Variants in PUS1 observed in about 807,000 individuals in gnomAD.
The protein encoded by PUS1 is pseudouridine synthase 1.
PUS1 carries 25 observed loss-of-function variants against 38.5 expected under a neutral mutation model. The observed-to-expected ratio is 0.65, with a 90% CI of 0.47 to 0.91. The LOEUF (loss-of-function observed/expected upper bound fraction) is 0.91. Among genes scored for constraint, PUS1 ranks in the 40% least tolerant of loss-of-function variants. The pLI, the probability that PUS1 is intolerant of heterozygous loss-of-function variation, is 0.00. For synonymous variants in PUS1, 282 were observed against 260.4 expected (o/e 1.08, Z -0.80); for missense variants, 597 against 612.3 (o/e 0.97, Z 0.26).
At chr12:131,935,509 T>C (rs1566143692) in intron 3 of PUS1, among the ~76,000 whole-genome samples, 1 of 152,184 alleles carries the variant, frequency 6.6e-6, no homozygotes. Flanking sequence ...GAAAACACAG[T>C]AACAGTTTAA....
intron 2 of PUS1, 174 bp from the exon 3 acceptor site, chr12:131,932,001 G>T: frequency 1.4e-6 from 1 of 705,214 alleles, no homozygotes. Context: ...CCCGGCCCCA[G>T]GGTGAGTGAG....
Position 131,936,210 on chromosome 12 carries a change from C to CA in PUS1, c.442-2951dup, listed in dbSNP as rs764654394. ...CGGGTGACAGAGTGAGACTCCATCTCAAAAAAAAAAAAGCAAAAAAGGAAA... is the reference window on the plus strand; with the variant it reads ...CGGGTGACAGAGTGAGACTCCATCTCAAAAAAAAAAAAAGCAAAAAAGGAAA... On this transcript the variant is annotated intron_variant, in intron 3 of 5. Transcript: ENST00000376649. 9.6e-3 allele frequency among the ~76,000 whole-genome samples: 1,179 copies of CA among 122,566 alleles called. 27 individuals carry two copies. In the South Asian group the frequency reaches 0.1, roughly 10 times the overall value. 80.4% of individuals were successfully genotyped at this position (122,566 alleles called of 152,430 possible). A position where few individuals can be genotyped will look rare whatever the true frequency, so the allele number is the denominator to read the frequency against.
rs1238794872 is a variant in PUS1, at chr12:131,941,183, C to T, written c.545-109C>T. 17 of 936,604 alleles carry T rather than the reference C, an allele frequency of 1.8e-5. No homozygotes were observed. The Admixed American group carries it at 2.0e-4, about 11-fold the overall frequency. 58.0% of individuals were successfully genotyped at this position (936,604 alleles called of 1,614,324 possible). A position where few individuals can be genotyped will look rare whatever the true frequency, so the allele number is the denominator to read the frequency against. ...AAGCCGATGCTTGCTGGAGCTTGGTCGGTGCTCTGGGTAAGGAGACGCTGG... is the reference window on the plus strand; with the variant it reads ...AAGCCGATGCTTGCTGGAGCTTGGTTGGTGCTCTGGGTAAGGAGACGCTGG... On this transcript the variant is annotated intron_variant, in intron 4 of 5. Coordinates refer to ENST00000376649, the MANE Select transcript of PUS1 (RefSeq NM_025215.6). This position sits in a 1 kb window ranked among gnomAD's most constrained non-coding sequence, Gnocchi z 4.4.
chr12:131,929,833 G>GGCCCCC, intron 1 of PUS1, 37 bp downstream of exon 1: 18 of 853,518 alleles, frequency 2.1e-5, no homozygotes, highest in East Asian at 5.4e-5. Context: ...CGCTATGCCC[G>GGCCCCC]CCCAGCCCAG....
chr12:131,936,673 G>A (rs992547162), intron 3 of PUS1, among the ~76,000 whole-genome samples: 20 of 152,200 alleles, frequency 1.3e-4, no homozygotes, highest in African/African-American at 4.8e-4. Flanking sequence ...CGGATCACTT[G>A]AGGCCAGGAG....
At chr12:131,939,677 G>A (rs553759312) in intron 4 of PUS1, among the ~76,000 whole-genome samples, 2 of 152,190 alleles carry the variant, frequency 1.3e-5, no homozygotes, top group Admixed American at 6.5e-5. Context: ...TGTTTTTTGA[G>A]AGAGTCTCGC....
chr12:131,941,282 T>TC lies in PUS1; in HGVS notation c.545-4dup, dbSNP rs760191922. 10 of 1,612,848 alleles carry TC rather than the reference T, an allele frequency of 6.2e-6. No homozygotes were observed. Among genetic ancestry groups the TC allele is most frequent in the East Asian group, 2.2e-5 (1 of 44,868 alleles). ...CCTGCCTTTCTCCTCCCTGACCACC[T>TC]CCCCCCTAGGACTGAAGCGGGTCAC... On this transcript the variant is annotated splice_polypyrimidine_tract_variant and intron_variant, in intron 4 of 5. Coordinates refer to ENST00000376649, the MANE Select transcript of PUS1 (RefSeq NM_025215.6). The surrounding 1 kb of genome is among the most constrained non-coding windows in gnomAD (Gnocchi z 4.4).
At chr12:131,943,424 G>A in intron 5 of PUS1, 115 bp from the exon 6 acceptor site, 1 of 843,004 alleles carries the variant, frequency 1.2e-6, no homozygotes. Context: ...TGCTCCTGAT[G>A]AGGGAGTGGT....
intron 4 of PUS1, among the ~76,000 whole-genome samples, chr12:131,940,462 T>A (rs1295994718): frequency 6.6e-6 from 1 of 152,222 alleles, no homozygotes; most frequent in South Asian, 2.1e-4. Context: ...CTGAAGGACA[T>A]TGGATGATTT....
chr12:131,942,677 A>T (rs1891142927), intron 5 of PUS1, among the ~76,000 whole-genome samples: 1 of 152,172 alleles, frequency 6.6e-6, no homozygotes, highest in Non-Finnish European at 1.5e-5. Context: ...AAGTGCTGGG[A>T]TTACAGTCGT....
intron 3 of PUS1, among the ~76,000 whole-genome samples, chr12:131,935,116 G>T (rs1890767150): frequency 6.8e-6 from 1 of 146,888 alleles, no homozygotes; most frequent in South Asian, 2.2e-4. Flanking sequence ...TTCACTCCTA[G>T]TGGGTGAGAA....
chr12:131,934,218 G>A (rs1890728675), intron 3 of PUS1, among the ~76,000 whole-genome samples: 1 of 152,234 alleles, frequency 6.6e-6, no homozygotes, highest in African/African-American at 2.4e-5. Context: ...ACAGGGAGCT[G>A]TTTAAGCCCG....
At chr12:131,942,499 C>T (rs1279259838) in intron 5 of PUS1, among the ~76,000 whole-genome samples, 12 of 152,082 alleles carry the variant, frequency 7.9e-5, no homozygotes, top group Non-Finnish European at 8.8e-5. Flanking sequence ...CTCCGCCTCC[C>T]GGGTTCACGC....
chr12:131,932,040 G>T, intron 2 of PUS1, 135 bp from the exon 3 acceptor site: 1 of 781,278 alleles, frequency 1.3e-6, no homozygotes. Flanking sequence ...CATGAGCGTG[G>T]CAGCTCACAC....
Position 131,930,013 on chromosome 12 carries a change from G to C in PUS1, c.181G>C (p.Asp61His), listed in dbSNP as rs1483413278. The change falls in exon 2 of 6, where the codon GAC (aspartate) becomes CAC (histidine). Residue 61 changes from aspartate to histidine, a missense_variant. Transcript: ENST00000376649. ...GRAGGDRVWE[D>H]GEHPAKKLKS... ...GGCCGGGGGCGACCGCGTCTGGGAG[G>C]ACGGAGAACATCCGGCGAAGAAGCT... 2.0e-6 allele frequency: 3 copies of C among 1,477,806 alleles called. No individual in the cohort carries two copies. The highest frequency in any genetic ancestry group is 2.7e-6 in the Non-Finnish European group (3 of 1,121,398). 91.5% of individuals were successfully genotyped at this position (1,477,806 alleles called of 1,614,324 possible).
intron 5 of PUS1, among the ~76,000 whole-genome samples, 191 bp downstream of exon 5, chr12:131,942,174 C>T (rs977197379): frequency 1.4e-4 from 22 of 152,150 alleles, no homozygotes; most frequent in Non-Finnish European, 2.2e-4. Flanking sequence ...TGCTCCCCCA[C>T]GGGGTGCTTT....
Position 131,943,910 on chromosome 12 carries a change from G to T in PUS1, c.*324G>T, listed in dbSNP as rs1891194605. The T allele has an allele frequency of 2.8e-6, 1 of 362,210 alleles. No homozygotes were observed. The highest frequency in any genetic ancestry group is 2.1e-5 in the African/African-American group (1 of 47,080). 22.4% of individuals were successfully genotyped at this position (362,210 alleles called of 1,614,324 possible). A position where few individuals can be genotyped will look rare whatever the true frequency, so the allele number is the denominator to read the frequency against. On this transcript the variant is annotated 3_prime_UTR_variant, in exon 6 of 6. Coordinates refer to ENST00000376649, the MANE Select transcript of PUS1 (RefSeq NM_025215.6). ...TTTTTTAACATTTTTTTCGTCCACA[G>T]AGATGAGCACAGCATGGTGTCCCGT...
Position 131,941,286 on chromosome 12 carries a change from C to A in PUS1, c.545-6C>A, listed in dbSNP as rs377129914. On this transcript the variant is annotated splice_region_variant and splice_polypyrimidine_tract_variant and intron_variant, in intron 4 of 5. Transcript: ENST00000376649. This position sits in a 1 kb window ranked among gnomAD's most constrained non-coding sequence, Gnocchi z 4.4. The stretch of plus-strand genomic sequence containing the variant: ...CCTTTCTCCTCCCTGACCACCTCCC[C>A]CCTAGGACTGAAGCGGGTCACGGGC... The A allele has an allele frequency of 2.5e-6, 4 of 1,613,686 alleles. No individual in the cohort carries two copies. The highest frequency in any genetic ancestry group is 4.5e-5 in the East Asian group (2 of 44,864).
In PUS1 at chr12:131,929,998, G is replaced by T; in HGVS notation, c.166G>T (p.Asp56Tyr). Residue 56 changes from aspartate to tyrosine, a missense_variant, in exon 2 of 6, where the codon GAC (aspartate) becomes TAC (tyrosine). Coordinates refer to ENST00000376649, the MANE Select transcript of PUS1 (RefSeq NM_025215.6). Reference sequence around the variant, plus strand: ...GTCCTGCAGCGGCCGGGCCGGGGGCGACCGCGTCTGGGAGGACGGAGAACA... The same window carrying T: ...GTCCTGCAGCGGCCGGGCCGGGGGCTACCGCGTCTGGGAGGACGGAGAACA... Reference protein sequence around the residue: ...RRSCSGRAGGDRVWEDGEHPA... With the variant: ...RRSCSGRAGGYRVWEDGEHPA... The T allele has an allele frequency of 6.7e-7, 1 of 1,483,332 alleles. No individual in the cohort carries two copies. The highest frequency in any genetic ancestry group is 1.4e-5 in the South Asian group (1 of 73,286). 91.9% of individuals were successfully genotyped at this position (1,483,332 alleles called of 1,614,324 possible).
Sources: gnomAD v4.1 joint callset for allele counts (sites outside exome capture counted in the v4.1 genomes callset) on GRCh38, gnomAD v4.1.1 for gene constraint, Gnocchi (gnomAD v3.1) non-coding constraint, MANE v1.5 for transcripts, NCBI Gene and HGNC (gene_info 2026-07-23, HGNC 2026-07-21) for gene names.